MYCBP2: variants seen among roughly 807,000 people sequenced by gnomAD.
MYCBP2 encodes the protein E3 ubiquitin-protein ligase MYCBP2.
Under a neutral mutation model 525.3 loss-of-function variants are expected in MYCBP2, and 120 were observed. The ratio of observed to expected loss-of-function variants is 0.23; its 90% CI spans 0.20 to 0.27. The LOEUF (loss-of-function observed/expected upper bound fraction) is 0.27, where lower values mean the gene tolerates loss of function less well. Among genes scored for constraint, MYCBP2 ranks in the 10% least tolerant of loss-of-function variants. The probability of loss-of-function intolerance (pLI) is 1.00; values close to 1 mark genes in which losing one functional copy is unlikely to be tolerated. For missense variants in MYCBP2, 4,149 were observed against 5,657.1 expected (o/e 0.73, Z 8.55); for synonymous variants, 1,894 against 1,955.8 (o/e 0.97, Z 0.83).
chr13:77,204,166 C>A (rs1278021360), intron 26 of MYCBP2, among the ~76,000 whole-genome samples: 6 of 151,728 alleles, frequency 4.0e-5, no homozygotes, highest in African/African-American at 1.5e-4. Context: ...GGGCTAATAT[C>A]CAGAATCTAC....
chr13:77,097,275 T>C lies in MYCBP2; in HGVS notation c.9784+95A>G, dbSNP rs913600726. The C allele has an allele frequency of 6.7e-6, 10 of 1,486,630 alleles. No individual in the cohort carries two copies. In the African/African-American group the frequency reaches 8.5e-5, roughly 13 times the overall value. The allele number at this position is 1,486,630 out of a possible 1,614,324, so 92.1% of individuals were successfully genotyped here. On this transcript the variant is annotated intron_variant, in intron 56 of 82. Transcript: ENST00000544440. ...ACATTCTAAGATACTATAAATTCCC[T>C]ATCCTTTGACAAAATTCATAGAACA...
chr13:77,064,632 A>C lies in MYCBP2; in HGVS notation c.12655T>G (p.Cys4219Gly). ...MEEEFRSPVR[C>G]IATTRLWLAL... ...AAACCTACTCTAGTTGTTGCAATACATCTCACTGGAGACCTAAATTCTTCT... is the reference window on the plus strand; with the variant it reads ...AAACCTACTCTAGTTGTTGCAATACCTCTCACTGGAGACCTAAATTCTTCT... Residue 4219 changes from cysteine (C) to glycine (G), a missense_variant, in exon 73 of 83, where the codon TGT (cysteine) becomes GGT (glycine). By Grantham distance (159) the Cys-to-Gly change is radical. Around this residue, in one of 21 missense-constraint regions of MYCBP2, gnomAD observed 148 missense variants for 179.4 expected, o/e 0.82. Transcript: ENST00000544440. 1 of 1,612,300 alleles carries C rather than the reference A, an allele frequency of 6.2e-7. No individual in the cohort carries two copies. Among genetic ancestry groups the C allele is most frequent in the Non-Finnish European group, 8.5e-7 (1 of 1,179,032 alleles).
chr13:77,295,936 A>T (rs1262297006), intron 2 of MYCBP2, among the ~76,000 whole-genome samples: 1 of 152,230 alleles, frequency 6.6e-6, no homozygotes, highest in Non-Finnish European at 1.5e-5. Context: ...CAAGAAAGGC[A>T]TATGATGAAC....
At chr13:77,073,907 A>G (rs1437295242) in intron 68 of MYCBP2, among the ~76,000 whole-genome samples, 2 of 152,080 alleles carry the variant, frequency 1.3e-5, no homozygotes, top group Non-Finnish European at 2.9e-5. Flanking sequence ...GATACATATC[A>G]TGTTCACAGA....
At chr13:77,246,383 G>C (rs1203498031) in intron 15 of MYCBP2, among the ~76,000 whole-genome samples, 1 of 151,922 alleles carries the variant, frequency 6.6e-6, no homozygotes, top group African/African-American at 2.4e-5. Flanking sequence ...CCAAAAAACT[G>C]AAGAGGAGAG....
At chr13:77,150,713 C>G (rs1007768274) in intron 47 of MYCBP2, 21 bp downstream of exon 47, 2 of 1,596,756 alleles carry the variant, frequency 1.3e-6, no homozygotes, top group Non-Finnish European at 1.7e-6. Flanking sequence ...TAAAATTTTT[C>G]TGATAAGTAA....
intron 1 of MYCBP2, among the ~76,000 whole-genome samples, chr13:77,304,414 G>A (rs189079832): frequency 1.2e-3 from 184 of 152,262 alleles, no homozygotes; most frequent in Non-Finnish European, 1.9e-3. Context: ...CTCATATGTG[G>A]AAGCTAAAAA....
intron 53 of MYCBP2, 146 bp downstream of exon 53, chr13:77,126,172 A>G: frequency 1.6e-6 from 1 of 614,910 alleles, no homozygotes; most frequent in Admixed American, 3.3e-5. Context: ...GCACAGAAAA[A>G]TTATGTATTT....
At chr13:77,307,834 C>T (rs182726550) in intron 1 of MYCBP2, among the ~76,000 whole-genome samples, 54 of 152,176 alleles carry the variant, frequency 3.5e-4, no homozygotes, top group Non-Finnish European at 1.5e-4. Flanking sequence ...TCCCTGCCCC[C>T]TGTCCCGCCA....
At chr13:77,316,694 A>T (rs998421358) in intron 1 of MYCBP2, among the ~76,000 whole-genome samples, 1 of 144,162 alleles carries the variant, frequency 6.9e-6, no homozygotes, top group African/African-American at 2.5e-5. Flanking sequence ...GATATCAACA[A>T]CTCTTCTCTA....
At chr13:77,251,117 C>A (rs771228845) in intron 15 of MYCBP2, 34 bp downstream of exon 15, 8 of 1,595,200 alleles carry the variant, frequency 5.0e-6, no homozygotes, top group Non-Finnish European at 6.9e-6. Flanking sequence ...ATGTGTTCTG[C>A]ACATGTTCTT....
chr13:77,229,918 G>A (rs928741692), intron 18 of MYCBP2, among the ~76,000 whole-genome samples: 2 of 152,060 alleles, frequency 1.3e-5, no homozygotes, highest in Non-Finnish European at 2.9e-5. Flanking sequence ...TAGATTTTAG[G>A]ACTATCTCTA....
At chr13:77,069,672 C>T (rs571410481) in intron 69 of MYCBP2, among the ~76,000 whole-genome samples, 22 of 135,362 alleles carry the variant, frequency 1.6e-4, no homozygotes, top group Non-Finnish European at 2.9e-4. Flanking sequence ...CTGGCTAACA[C>T]GGTGAAACCC....
intron 20 of MYCBP2, among the ~76,000 whole-genome samples, chr13:77,223,173 T>G (rs1225746973): frequency 6.6e-6 from 1 of 152,192 alleles, no homozygotes; most frequent in East Asian, 1.9e-4. Flanking sequence ...TCCCTTTGGA[T>G]GCACGAGGAC....
chr13:77,093,144 G>C (rs370363729), intron 59 of MYCBP2, 21 bp downstream of exon 59: 1 of 1,592,898 alleles, frequency 6.3e-7, no homozygotes, highest in African/African-American at 1.4e-5. Context: ...CTATTCAACA[G>C]ACAGGAGAGA....
intron 32 of MYCBP2, 39 bp downstream of exon 32, chr13:77,185,064 T>G (rs767369235): frequency 1.3e-6 from 2 of 1,575,182 alleles, no homozygotes; most frequent in Non-Finnish European, 1.7e-6. Context: ...TTAAGCAATA[T>G]ATCAGATTTT....
chr13:77,057,499 A>G (rs534531496), intron 78 of MYCBP2, among the ~76,000 whole-genome samples: 1 of 152,348 alleles, frequency 6.6e-6, no homozygotes, highest in East Asian at 1.9e-4. Flanking sequence ...AAGTTAAAAA[A>G]ACCTATTTAG....
intron 39 of MYCBP2, 115 bp from the exon 40 acceptor site, chr13:77,168,761 T>C (rs1177082609): frequency 1.1e-6 from 1 of 901,270 alleles, no homozygotes; most frequent in African/African-American, 1.7e-5. Context: ...AATTTTCCAC[T>C]AGTTAAGTTT....
At chr13:77,258,983 G>A (rs1010499221) in intron 13 of MYCBP2, among the ~76,000 whole-genome samples, 3 of 152,140 alleles carry the variant, frequency 2.0e-5, no homozygotes, top group African/African-American at 7.2e-5. Context: ...GGCCATGCGC[G>A]GTGGCTCACG....
Sources: allele counts gnomAD v4.1 joint callset (sites outside exome capture counted in the v4.1 genomes callset), GRCh38; gene constraint gnomAD v4.1.1; regional missense constraint gnomAD v4.1.1; transcripts MANE v1.5; gene names NCBI Gene and HGNC (gene_info 2026-07-23, HGNC 2026-07-21).